Variants in ARHGAP19 observed in about 807,000 individuals in gnomAD.
ARHGAP19 encodes Rho GTPase activating protein 19, also known as rho GTPase-activating protein 19.
A neutral mutation model predicts 60.9 loss-of-function variants in ARHGAP19; 48 were observed. The ratio of observed to expected loss-of-function variants is 0.79; its 90% CI spans 0.62 to 1.00. ARHGAP19 has a LOEUF of 1.00. Ranked by LOEUF, ARHGAP19 falls within the 50% of genes least tolerant of loss-of-function variation. The probability of loss-of-function intolerance (pLI) is 0.00; values close to 1 mark genes in which losing one functional copy is unlikely to be tolerated. For missense variants in ARHGAP19, 562 were observed against 597.2 expected (o/e 0.94, Z 0.61); for synonymous variants, 209 against 215.5 (o/e 0.97, Z 0.27).
chr10:97,264,660 T>C (rs1241690611), intron 3 of ARHGAP19, among the ~76,000 whole-genome samples, 166 bp downstream of exon 3: 1 of 152,136 alleles, frequency 6.6e-6, no homozygotes, highest in Non-Finnish European at 1.5e-5. Flanking sequence ...ATATATGAGA[T>C]GAAGTTTAAA....
intron 1 of ARHGAP19, among the ~76,000 whole-genome samples, chr10:97,290,936 G>A (rs956803047): frequency 1.3e-5 from 2 of 152,170 alleles, no homozygotes; most frequent in Admixed American, 1.3e-4. Context: ...TTGAGAAGGG[G>A]GACTGAGAGA....
chr10:97,282,067 T>C (rs773722473), intron 1 of ARHGAP19, among the ~76,000 whole-genome samples: 1 of 152,188 alleles, frequency 6.6e-6, no homozygotes, highest in African/African-American at 2.4e-5. Flanking sequence ...AGCACCCCCA[T>C]TTTCCTTTAA....
At chr10:97,237,910 T>C (rs1842407933) in intron 8 of ARHGAP19, among the ~76,000 whole-genome samples, 1 of 151,892 alleles carries the variant, frequency 6.6e-6, no homozygotes, top group Non-Finnish European at 1.5e-5. Flanking sequence ...ACAACAATAA[T>C]GTTACTGGTT....
At chr10:97,255,380 G>T (rs745803760) in intron 6 of ARHGAP19, among the ~76,000 whole-genome samples, 7 of 152,138 alleles carry the variant, frequency 4.6e-5, no homozygotes, top group Non-Finnish European at 1.0e-4. Flanking sequence ...TTCAAGACCA[G>T]CCTGGGCAAC....
At chr10:97,246,233 C>A in intron 7 of ARHGAP19, 39 bp downstream of exon 7, 6 of 1,532,000 alleles carry the variant, frequency 3.9e-6, no homozygotes, top group Non-Finnish European at 5.4e-6. Context: ...AATCTTAATG[C>A]TCTCCTTGTT....
At chr10:97,273,086 C>T (rs10748692) in intron 1 of ARHGAP19, among the ~76,000 whole-genome samples, 79,771 of 151,912 alleles carry the variant, frequency 0.53, 22,240 homozygotes, top group East Asian at 0.72. Context: ...GTGATCCGCC[C>T]GCCTCGGCCT....
rs137879865 is a variant in ARHGAP19, at chr10:97,257,921, A to G, written c.840+1481T>C. On this transcript the variant is annotated intron_variant, in intron 5 of 11. Transcript: ENST00000358531. ...GCCTTGTGGGGTATGTAGTAAAGCT[A>G]TTACAGTAAGTCCTCACTTAAGGCA... 3.9e-5 allele frequency among the ~76,000 whole-genome samples: 6 copies of G among 152,300 alleles called. No homozygotes were observed. In the East Asian group the frequency reaches 1.2e-3, roughly 29 times the overall value.
chr10:97,257,039 T>C (rs1293606522), intron 5 of ARHGAP19, among the ~76,000 whole-genome samples: 1 of 152,092 alleles, frequency 6.6e-6, no homozygotes, highest in Non-Finnish European at 1.5e-5. Context: ...GAGAATGGCA[T>C]GAACCCGGGA....
rs866009913 is a variant in ARHGAP19 at position 97,235,066 on chromosome 10, A to T, written c.1284+151T>A. The T allele has an allele frequency of 4.4e-4, 293 of 667,584 alleles. 1 individual carries two copies. In the Middle Eastern group the frequency reaches 6.0e-3, roughly 14 times the overall value. The allele number at this position is 667,584 out of a possible 1,614,324, so 41.4% of individuals were successfully genotyped here. Reference sequence around the variant, plus strand: ...ACACAGCAAAGCACTTTGCAATATAAAAGCTTTTCAACATTTTGTCTTTAC... The same window carrying T: ...ACACAGCAAAGCACTTTGCAATATATAAGCTTTTCAACATTTTGTCTTTAC... On this transcript the variant is annotated intron_variant, in intron 9 of 11. Coordinates refer to ENST00000358531, the MANE Select transcript of ARHGAP19 (RefSeq NM_032900.6).
intron 6 of ARHGAP19, among the ~76,000 whole-genome samples, chr10:97,252,971 A>T (rs879096879): frequency 6.6e-6 from 1 of 152,204 alleles, no homozygotes; most frequent in Non-Finnish European, 1.5e-5. Flanking sequence ...CTATTCCGCC[A>T]TAAAAAAAGA....
intron 9 of ARHGAP19, among the ~76,000 whole-genome samples, chr10:97,234,197 G>C (rs932049479): frequency 2.0e-5 from 3 of 151,834 alleles, no homozygotes; most frequent in East Asian, 1.9e-4. Flanking sequence ...AACCCAAGAG[G>C]GGGAGGTTGC....
chr10:97,285,739 C>T (rs1040091356), intron 1 of ARHGAP19, among the ~76,000 whole-genome samples: 12 of 151,962 alleles, frequency 7.9e-5, no homozygotes, highest in African/African-American at 2.9e-4. Flanking sequence ...AGGCTAGTCT[C>T]GAACTCCTGA....
At chr10:97,237,329 G>T (rs1051273288) in intron 8 of ARHGAP19, among the ~76,000 whole-genome samples, 11 of 149,770 alleles carry the variant, frequency 7.3e-5, no homozygotes, top group African/African-American at 2.5e-4. Context: ...ATAAGGTTCA[G>T]ATAAAATCAT....
intron 1 of ARHGAP19, 107 bp from the exon 2 acceptor site, chr10:97,266,232 T>C: frequency 7.5e-7 from 1 of 1,341,432 alleles, no homozygotes; most frequent in Admixed American, 2.0e-5. Context: ...AGAGGTTTCC[T>C]TATAGTCAGC....
intron 8 of ARHGAP19, among the ~76,000 whole-genome samples, chr10:97,239,491 G>A (rs1416510695): frequency 7.7e-6 from 1 of 129,042 alleles, no homozygotes; most frequent in Non-Finnish European, 1.6e-5. Context: ...GACAGAGCGA[G>A]ACTCCGTCTC....
intron 1 of ARHGAP19, among the ~76,000 whole-genome samples, chr10:97,272,837 T>C (rs1325833294): frequency 2.6e-5 from 4 of 151,362 alleles, no homozygotes; most frequent in African/African-American, 7.3e-5. Context: ...TTGATTATGT[T>C]TGTTGTTTTT....
In ARHGAP19 at chr10:97,241,599, G is replaced by A. The variant is rs184368296; in HGVS notation, c.1185+2369C>T. The stretch of plus-strand genomic sequence containing the variant: ...GTTGTGACACATGCATGTAGTCCTA[G>A]CTATTCAGCAGGCTGAGGCAGGAGG... On this transcript the variant is annotated intron_variant, in intron 8 of 11. Coordinates refer to ENST00000358531, the MANE Select transcript of ARHGAP19 (RefSeq NM_032900.6). Among the ~76,000 whole-genome samples, 422 of 150,750 alleles carry A rather than the reference G, an allele frequency of 2.8e-3. 2 individuals are homozygous for A. Among genetic ancestry groups the A allele is most frequent in the African/African-American group, 9.0e-3 (371 of 40,998 alleles).
chr10:97,236,386 A>C (rs891877427), intron 8 of ARHGAP19, among the ~76,000 whole-genome samples: 1 of 152,152 alleles, frequency 6.6e-6, no homozygotes, highest in Admixed American at 6.6e-5. Flanking sequence ...TAAAAGTACC[A>C]AGAGGTTCTC....
chr10:97,222,975 A>G lies in ARHGAP19; in HGVS notation c.*3147T>C, dbSNP rs977653929. ...GTTCTCCTAGACGGCAGTATTTTCAACTGCATGCTAACACAGGCTGCTGTG... is the reference window on the plus strand; with the variant it reads ...GTTCTCCTAGACGGCAGTATTTTCAGCTGCATGCTAACACAGGCTGCTGTG... On this transcript the variant is annotated 3_prime_UTR_variant, in exon 12 of 12. Transcript: ENST00000358531. The G allele has an allele frequency of 6.6e-6, 1 of 152,216 alleles. No individual in the cohort carries two copies. Among genetic ancestry groups the G allele is most frequent in the Non-Finnish European group, 1.5e-5 (1 of 68,048 alleles). 9.4% of individuals were successfully genotyped at this position (152,216 alleles called of 1,614,324 possible).
Sources: gnomAD v4.1 joint callset for allele counts (sites outside exome capture counted in the v4.1 genomes callset) on GRCh38, gnomAD v4.1.1 for gene constraint, MANE v1.5 for transcripts, NCBI Gene and HGNC (gene_info 2026-07-23, HGNC 2026-07-21) for gene names.